The following RAB40A variants were observed in gnomAD, a reference collection of about 807,000 sequenced individuals.
RAB40A encodes the protein RAB40A, member RAS oncogene family, also known as ras-related protein Rab-40A.
For synonymous variants in RAB40A, 65 were observed against 99.9 expected (o/e 0.65, Z 2.08); for missense variants, 145 against 230.2 (o/e 0.63, Z 2.40).
intron 2 of RAB40A, among the ~76,000 whole-genome samples, chrX:103,511,902 T>C (rs964910677): frequency 9.0e-6 from 1 of 111,457 alleles, no homozygotes; most frequent in Non-Finnish European, 1.9e-5. Context: ...TAGGGTGAGC[T>C]CTAATCCAAT....
At chrX:103,503,483 C>G (rs2073239515) in intron 2 of RAB40A, 1 of 749,635 alleles carries the variant, frequency 1.3e-6, no homozygotes, top group Admixed American at 9.0e-5. Flanking sequence ...GATTTGGAGT[C>G]CACAGCCAAT....
chrX:103,511,232 C>A (rs2073287548), intron 2 of RAB40A, among the ~76,000 whole-genome samples: 1 of 111,337 alleles, frequency 9.0e-6, no homozygotes, highest in Non-Finnish European at 1.9e-5. Flanking sequence ...GGCACGGTGG[C>A]TCATGCCTGT....
chrX:103,502,878 G>A, intron 2 of RAB40A: 4 of 764,364 alleles, frequency 5.2e-6, no homozygotes, highest in Non-Finnish European at 6.3e-6. Flanking sequence ...GAGAGTATAC[G>A]GCATGAAGTG....
chrX:103,513,446 C>T (rs886991616), intron 2 of RAB40A, among the ~76,000 whole-genome samples: 2 of 103,608 alleles, frequency 1.9e-5, no homozygotes, highest in African/African-American at 7.1e-5. Context: ...AATCAACACA[C>T]GTATGAAGTA....
chrX:103,510,792 C>T (rs955969794), intron 2 of RAB40A, among the ~76,000 whole-genome samples: 23 of 112,211 alleles, frequency 2.0e-4, no homozygotes, highest in East Asian at 5.6e-4. Flanking sequence ...ACATTTTCAG[C>T]CCTAAGCACA....
chrX:103,495,578 T>C (rs1191939748), downstream of RAB40A, among the ~76,000 whole-genome samples: 1 of 112,219 alleles, frequency 8.9e-6, no homozygotes, highest in Non-Finnish European at 1.9e-5. Flanking sequence ...TGACATTTTA[T>C]ATAAGTGAAA....
At chrX:103,501,795 G>A (rs755732839) in intron 2 of RAB40A, 31 of 122,826 alleles carry the variant, frequency 2.5e-4, no homozygotes, top group Non-Finnish European at 3.8e-4. Flanking sequence ...AAATTTAAAT[G>A]TAGAAAAAAA....
chrX:103,498,919 T>C (rs1325698443), downstream of RAB40A, among the ~76,000 whole-genome samples: 2 of 111,992 alleles, frequency 1.8e-5, no homozygotes, highest in African/African-American at 3.2e-5. Flanking sequence ...CAGAAGTGCT[T>C]TCCCAGATGT....
At chrX:103,510,206 T>C (rs1486041458) in intron 2 of RAB40A, among the ~76,000 whole-genome samples, 2 of 112,150 alleles carry the variant, frequency 1.8e-5, no homozygotes, top group African/African-American at 6.5e-5. Flanking sequence ...GGGAGCATGA[T>C]GTACTGGACA....
intron 2 of RAB40A, chrX:103,502,786 C>T (rs2073235543): frequency 1.3e-6 from 1 of 755,100 alleles, no homozygotes; most frequent in African/African-American, 2.3e-5. Flanking sequence ...GCTCTGAAAG[C>T]CTGAGCTTGA....
chrX:103,509,810 CT>C lies in RAB40A; in HGVS notation c.-71+7563del, dbSNP rs201376749. ...AAATGTATTAACATATGAAATATTC[CT>C]TTTTTTTTTTTTAAGACGGAGTCTT... On this transcript the variant is annotated intron_variant, in intron 2 of 2. Transcript: ENST00000304236. Among the ~76,000 whole-genome samples, 398 of 95,221 alleles carry C rather than the reference CT, an allele frequency of 4.2e-3. 2 individuals carry two copies. The highest frequency in any genetic ancestry group is 8.1e-3 in the African/African-American group (208 of 25,830). The allele number at this position is 95,221 out of a possible 115,157, so 82.7% of individuals were successfully genotyped here. A position where few individuals can be genotyped will look rare whatever the true frequency, so the allele number is the denominator to read the frequency against.
intron 2 of RAB40A, among the ~76,000 whole-genome samples, chrX:103,507,210 T>C (rs973140811): frequency 8.9e-6 from 1 of 111,812 alleles, no homozygotes; most frequent in Non-Finnish European, 1.9e-5. Context: ...GGAAAGGACA[T>C]AATCTCATTC....
chrX:103,514,833 A>G (rs1004987880), intron 2 of RAB40A, among the ~76,000 whole-genome samples: 4 of 112,133 alleles, frequency 3.6e-5, no homozygotes, highest in African/African-American at 1.3e-4. Context: ...AAATATAGTT[A>G]TGTCCAGAAA....
intron 2 of RAB40A, among the ~76,000 whole-genome samples, chrX:103,507,624 T>C (rs2073263222): frequency 8.9e-6 from 1 of 112,440 alleles, no homozygotes; most frequent in African/African-American, 3.2e-5. Flanking sequence ...AGTTAACTGC[T>C]GATCAGGAGA....
intron 2 of RAB40A, among the ~76,000 whole-genome samples, chrX:103,511,168 T>C (rs938756526): frequency 2.7e-5 from 3 of 111,067 alleles, no homozygotes; most frequent in Non-Finnish European, 5.7e-5. Context: ...AAAGAAAACG[T>C]GACATATACA....
rs1415547231 is a variant in RAB40A at position 103,499,254 on chromosome X, G to C, written c.*669C>G. On this transcript the variant is annotated 3_prime_UTR_variant, in exon 3 of 3. Transcript: ENST00000304236. ...TTCAACATAACTAGAGATATCTTTG[G>C]TGTTTTCCTCCCTTAGCTTCATATC... 8.3e-6 allele frequency: 1 copy of C among 120,901 alleles called. No homozygotes were observed. The highest frequency in any genetic ancestry group is 1.9e-5 in the Non-Finnish European group (1 of 53,687). 10.0% of individuals were successfully genotyped at this position (120,901 alleles called of 1,213,427 possible).
chrX:103,494,140 G>A (rs1243625765), downstream of RAB40A, among the ~76,000 whole-genome samples: 1 of 112,177 alleles, frequency 8.9e-6, no homozygotes, highest in Non-Finnish European at 1.9e-5. Flanking sequence ...ACTGGGGTGA[G>A]ATGATATCTT....
At chrX:103,513,815 T>A (rs1315730822) in intron 2 of RAB40A, among the ~76,000 whole-genome samples, 1 of 109,912 alleles carries the variant, frequency 9.1e-6, no homozygotes, top group African/African-American at 3.3e-5. Flanking sequence ...GGCTGTAGCG[T>A]GCTGTGATTG....
At chrX:103,512,257 C>G (rs1306210203) in intron 2 of RAB40A, among the ~76,000 whole-genome samples, 1 of 110,972 alleles carries the variant, frequency 9.0e-6, no homozygotes, top group South Asian at 3.8e-4. Flanking sequence ...GTTTGTGGTA[C>G]TATGTACAGC....
Sources: gnomAD v4.1 joint callset for allele counts (sites outside exome capture counted in the v4.1 genomes callset) on GRCh38, gnomAD v4.1.1 for gene constraint, MANE v1.5 for transcripts, NCBI Gene and HGNC (gene_info 2026-07-23, HGNC 2026-07-21) for gene names.